The following GLIS3 variants were observed in gnomAD, a reference collection of about 807,000 sequenced individuals.
The protein encoded by GLIS3 is GLIS family zinc finger 3.
A neutral mutation model predicts 78.6 loss-of-function variants in GLIS3; 53 were observed. The observed-to-expected ratio is 0.67, with a 90% CI of 0.54 to 0.85. The LOEUF (loss-of-function observed/expected upper bound fraction) is 0.85, where lower values mean the gene tolerates loss of function less well. Ranked by LOEUF, GLIS3 falls within the 40% of genes least tolerant of loss-of-function variation. GLIS3 has a pLI of 0.00. For synonymous variants in GLIS3, 684 were observed against 509.9 expected (o/e 1.34, Z -4.60); for missense variants, 1,703 against 1,231.1 (o/e 1.38, Z -5.74).
At chr9:3,854,614 G>A (rs1819641682) in intron 9 of GLIS3, among the ~76,000 whole-genome samples, 1 of 151,202 alleles carries the variant, frequency 6.6e-6, no homozygotes, top group Admixed American at 6.6e-5. Flanking sequence ...TTGGCTCACT[G>A]CCAGTTCCGC....
intron 2 of GLIS3, among the ~76,000 whole-genome samples, chr9:4,241,619 A>G (rs1823321007): frequency 6.6e-6 from 1 of 152,212 alleles, no homozygotes; most frequent in Admixed American, 6.5e-5. Flanking sequence ...TTTTTAAAAA[A>G]AATTTAATGC....
the GLIS3 span, among the ~76,000 whole-genome samples, chr9:4,417,177 C>A: frequency 3.4e-3 from 523 of 152,074 alleles, 1 homozygote; most frequent in African/African-American, 0.012. Context: ...TGAAGGGTAT[C>A]GATTATTTAT....
At chr9:4,262,466 T>C (rs553094553) in intron 2 of GLIS3, among the ~76,000 whole-genome samples, 23 of 152,146 alleles carry the variant, frequency 1.5e-4, no homozygotes, top group South Asian at 6.2e-4. Flanking sequence ...ATGTTCTCAG[T>C]CCATGTCACT....
intron 2 of GLIS3, among the ~76,000 whole-genome samples, chr9:4,223,678 C>G (rs1364224162): frequency 6.6e-6 from 1 of 152,192 alleles, no homozygotes; most frequent in Non-Finnish European, 1.5e-5. Flanking sequence ...AAAAGCTAAC[C>G]TGAAACTCCC....
intron 2 of GLIS3, among the ~76,000 whole-genome samples, chr9:4,205,943 CT>C (rs1333780116): frequency 3.3e-5 from 5 of 151,228 alleles, no homozygotes; most frequent in Admixed American, 6.6e-5. Context: ...AACAGGATTT[CT>C]TTTTTTTTAG....
the GLIS3 span, among the ~76,000 whole-genome samples, chr9:4,484,666 C>T: frequency 2.0e-5 from 3 of 152,130 alleles, no homozygotes; most frequent in African/African-American, 7.2e-5. Flanking sequence ...ATCCACCCAC[C>T]TTGGCCTCCC....
At chr9:4,352,559 G>A (rs1017675505), upstream of GLIS3, among the ~76,000 whole-genome samples, 11 of 152,242 alleles carry the variant, frequency 7.2e-5, no homozygotes, top group East Asian at 9.6e-4. Context: ...AGAGATGGCC[G>A]TTTAAGTGAA....
intron 2 of GLIS3, among the ~76,000 whole-genome samples, chr9:4,328,689 T>G (rs1817638458): frequency 1.3e-5 from 2 of 152,224 alleles, no homozygotes; most frequent in East Asian, 3.8e-4. Context: ...CTCTATAGCT[T>G]GTGACCTTGG....
At chr9:3,946,388 G>C (rs1386342565) in intron 4 of GLIS3, among the ~76,000 whole-genome samples, 2 of 152,190 alleles carry the variant, frequency 1.3e-5, no homozygotes, top group African/African-American at 2.4e-5. Flanking sequence ...TGATTGCCTA[G>C]ACTTCCTTGT....
chr9:4,036,507 G>C (rs1193945178), intron 4 of GLIS3, among the ~76,000 whole-genome samples: 2 of 152,134 alleles, frequency 1.3e-5, no homozygotes, highest in Admixed American at 1.3e-4. Flanking sequence ...GCCCAAATTG[G>C]TAACGGTTTC....
chr9:4,062,632 T>C (rs1314495525), intron 4 of GLIS3, among the ~76,000 whole-genome samples: 2 of 152,152 alleles, frequency 1.3e-5, no homozygotes, highest in Admixed American at 6.6e-5. Context: ...ATAGCATATG[T>C]AAGAATGTGA....
chr9:4,042,427 A>G (rs934093457), intron 4 of GLIS3, among the ~76,000 whole-genome samples: 2 of 152,170 alleles, frequency 1.3e-5, no homozygotes, highest in African/African-American at 4.8e-5. Context: ...TGAGTACATA[A>G]AGCATGCCAA....
At chr9:3,879,275 C>T (rs998813033) in intron 8 of GLIS3, 152 bp downstream of exon 8, 13 of 732,760 alleles carry the variant, frequency 1.8e-5, no homozygotes, top group South Asian at 7.5e-5. Context: ...ATTTGGTCCA[C>T]GTGCTTTGTG....
chr9:4,245,500 T>C (rs1823726605), intron 2 of GLIS3, among the ~76,000 whole-genome samples: 1 of 152,198 alleles, frequency 6.6e-6, no homozygotes, highest in Non-Finnish European at 1.5e-5. Context: ...ACGTAGACAA[T>C]ATTAGAAAGG....
chr9:4,078,079 T>C (rs953926921), intron 4 of GLIS3, among the ~76,000 whole-genome samples: 3 of 152,194 alleles, frequency 2.0e-5, no homozygotes, highest in Admixed American at 6.5e-5. Context: ...CTGAATGATA[T>C]GGTCCCCCAT....
chr9:4,122,924 G>C (rs966606789), intron 3 of GLIS3, among the ~76,000 whole-genome samples: 4 of 152,142 alleles, frequency 2.6e-5, no homozygotes, highest in African/African-American at 7.2e-5. Flanking sequence ...AAGACGGTAA[G>C]GTATAGTTTG....
intron 2 of GLIS3, among the ~76,000 whole-genome samples, chr9:4,261,863 CTTCT>C (rs774892271): frequency 5.3e-5 from 8 of 152,130 alleles, no homozygotes; most frequent in Non-Finnish European, 1.0e-4. Flanking sequence ...CAGATATGGA[CTTCT>C]TTGAGTTTTT....
chr9:4,188,220 T>C (rs143692221), intron 2 of GLIS3, among the ~76,000 whole-genome samples: 5,802 of 151,690 alleles, frequency 0.038, 119 homozygotes, highest in East Asian at 0.073. Context: ...TTGTTGAATT[T>C]TGTCAAAGGC....
chr9:4,057,819 A>C (rs1357020303), intron 4 of GLIS3, among the ~76,000 whole-genome samples: 1 of 152,204 alleles, frequency 6.6e-6, no homozygotes, highest in Non-Finnish European at 1.5e-5. Context: ...AAGGATCGTC[A>C]CTGAGAAAAC....
Sources: allele counts gnomAD v4.1 joint callset (sites outside exome capture counted in the v4.1 genomes callset), GRCh38; gene constraint gnomAD v4.1.1; transcripts MANE v1.5; gene names NCBI Gene and HGNC (gene_info 2026-07-23, HGNC 2026-07-21).